The following MATN2 variants were observed in gnomAD, a reference collection of about 807,000 sequenced individuals.
MATN2 encodes the protein matrilin 2, also known as matrilin-2.
Under a neutral mutation model 103.2 loss-of-function variants are expected in MATN2, and 69 were observed. That is an observed-to-expected ratio of 0.67 (90% CI 0.55 to 0.82). The LOEUF is 0.82. MATN2 is among the 40% of genes least tolerant of loss of function. The pLI is 0.00. For missense variants in MATN2, 1,023 were observed against 1,211.5 expected (o/e 0.84, Z 2.31); for synonymous variants, 429 against 450.2 (o/e 0.95, Z 0.60).
chr8:97,878,811 A>G (rs1233859327), intron 1 of MATN2, among the ~76,000 whole-genome samples: 1 of 151,992 alleles, frequency 6.6e-6, no homozygotes, highest in Non-Finnish European at 1.5e-5. Flanking sequence ...AGATCATGCC[A>G]CTACACTCTA....
At chr8:97,936,450 C>T (rs16896429) in intron 3 of MATN2, among the ~76,000 whole-genome samples, 1 of 151,924 alleles carries the variant, frequency 6.6e-6, no homozygotes, top group African/African-American at 2.4e-5. Context: ...CTGATGGCAC[C>T]CCTTTGAGGT....
chr8:97,969,264 G>A (rs769938705), intron 5 of MATN2, among the ~76,000 whole-genome samples: 3 of 152,180 alleles, frequency 2.0e-5, no homozygotes, highest in South Asian at 2.1e-4. Context: ...CCTGTAACAC[G>A]GGGGATCACA....
intron 2 of MATN2, among the ~76,000 whole-genome samples, chr8:97,927,045 A>G (rs537498695): frequency 1.3e-5 from 2 of 152,352 alleles, no homozygotes; most frequent in African/African-American, 4.8e-5. Context: ...TGACTTCACC[A>G]GGGAGCTTGT....
chr8:97,968,903 T>C (rs1811566578), intron 5 of MATN2, among the ~76,000 whole-genome samples: 1 of 152,242 alleles, frequency 6.6e-6, no homozygotes, highest in Non-Finnish European at 1.5e-5. Context: ...TTTTCTGTGT[T>C]AGGCTGCTTG....
intron 5 of MATN2, among the ~76,000 whole-genome samples, chr8:97,971,807 G>C (rs1184494062): frequency 6.6e-6 from 1 of 152,060 alleles, no homozygotes; most frequent in Non-Finnish European, 1.5e-5. Context: ...AGCACTGACT[G>C]AGGTTGATTG....
intron 2 of MATN2, among the ~76,000 whole-genome samples, chr8:97,889,611 TTTTTG>T: frequency 2.0e-5 from 3 of 151,706 alleles, no homozygotes; most frequent in African/African-American, 7.3e-5. Context: ...GCTCAGCTAA[TTTTTG>T]TATTTTTAGT....
intron 4 of MATN2, among the ~76,000 whole-genome samples, chr8:97,948,031 A>G (rs1810811276): frequency 6.6e-6 from 1 of 152,230 alleles, no homozygotes; most frequent in South Asian, 2.1e-4. Flanking sequence ...GCTATCGTTC[A>G]TATTTTGAAT....
At chr8:97,957,534 C>T (rs1811181342) in intron 4 of MATN2, among the ~76,000 whole-genome samples, 1 of 152,230 alleles carries the variant, frequency 6.6e-6, no homozygotes. Context: ...AAAGGACAAT[C>T]CGCATGAAGC....
intron 2 of MATN2, among the ~76,000 whole-genome samples, chr8:97,913,939 G>C (rs1809535935): frequency 6.6e-6 from 1 of 152,156 alleles, no homozygotes; most frequent in African/African-American, 2.4e-5. Flanking sequence ...TTTGAAATTT[G>C]GATTAAATAG....
intron 2 of MATN2, among the ~76,000 whole-genome samples, chr8:97,902,036 C>T (rs570030864): frequency 2.0e-5 from 3 of 151,876 alleles, no homozygotes; most frequent in Non-Finnish European, 2.9e-5. Context: ...TTTATAAATA[C>T]ATGTTTATAA....
chr8:97,928,495 G>A (rs1810067213), intron 2 of MATN2, among the ~76,000 whole-genome samples: 1 of 152,142 alleles, frequency 6.6e-6, no homozygotes. Context: ...CAAAGTGCTG[G>A]GATTACAGGC....
At chr8:97,889,459 C>CTCTATATATATATATATATATATA (rs1818554246) in intron 2 of MATN2, among the ~76,000 whole-genome samples, 1 of 123,366 alleles carries the variant, frequency 8.1e-6, no homozygotes, top group Non-Finnish European at 1.7e-5. Flanking sequence ...CTCTCTCTGT[C>CTCTATATATATATATATATATATA]TATATATATA....
chr8:97,977,877 G>A (rs149025390), intron 5 of MATN2, among the ~76,000 whole-genome samples: 8 of 152,048 alleles, frequency 5.3e-5, no homozygotes, highest in South Asian at 2.1e-4. Flanking sequence ...CTCACGGCTC[G>A]TATTTTAGTC....
chr8:97,958,447 C>T (rs190117596), intron 4 of MATN2, among the ~76,000 whole-genome samples: 12 of 152,362 alleles, frequency 7.9e-5, no homozygotes, highest in Admixed American at 6.5e-5. Flanking sequence ...AGACACAGTA[C>T]ATCCATCGCT....
chr8:97,907,373 G>A lies in MATN2; in HGVS notation c.142+19131G>A, dbSNP rs187870070. The stretch of plus-strand genomic sequence containing the variant: ...TTCCTCCAGGCTGGAGTGCAGTGGC[G>A]CAATCTTGGCTCACTGCAAGCTCCA... On this transcript the variant is annotated intron_variant, in intron 2 of 18. Transcript: ENST00000254898. Among the ~76,000 whole-genome samples, 88 of 146,654 alleles carry A rather than the reference G, an allele frequency of 6.0e-4. No individual in the cohort carries two copies. In the East Asian group the frequency reaches 0.017, roughly 28 times the overall value.
chr8:97,988,838 C>T (rs1238895395), intron 6 of MATN2, among the ~76,000 whole-genome samples: 2 of 152,094 alleles, frequency 1.3e-5, no homozygotes, highest in Non-Finnish European at 1.5e-5. Flanking sequence ...TCAACTCATC[C>T]TATGAGGCTA....
chr8:97,911,483 C>T (rs567227549), intron 2 of MATN2, among the ~76,000 whole-genome samples: 6 of 151,878 alleles, frequency 4.0e-5, no homozygotes, highest in Non-Finnish European at 2.9e-5. Flanking sequence ...CCAAGGCAGG[C>T]GGATCACGAG....
At chr8:97,891,502 T>A (rs963516596) in intron 2 of MATN2, among the ~76,000 whole-genome samples, 1 of 152,076 alleles carries the variant, frequency 6.6e-6, no homozygotes, top group Non-Finnish European at 1.5e-5. Context: ...TACGCCTGGC[T>A]AATTTTTGTA....
In MATN2 at chr8:97,924,614, T is replaced by G. The variant is rs577453028; in HGVS notation, c.143-6339T>G. ...CCCCTGGCCCTTGACCGTACTGAAC[T>G]CTCCGTAAGCGCTTGTCGAGGAGTA... is the stretch of plus-strand genomic sequence containing the variant. On this transcript the variant is annotated intron_variant, in intron 2 of 18. Transcript: ENST00000254898. Among the ~76,000 whole-genome samples the G allele has an allele frequency of 5.8e-4, 88 of 152,134 alleles. No homozygotes were observed. In the South Asian group the frequency reaches 0.017, roughly 30 times the overall value.
Sources: gnomAD v4.1 joint callset for allele counts (sites outside exome capture counted in the v4.1 genomes callset) on GRCh38, gnomAD v4.1.1 for gene constraint, MANE v1.5 for transcripts, NCBI Gene and HGNC (gene_info 2026-07-23, HGNC 2026-07-21) for gene names.